The following PTPRD variants were observed in gnomAD, a reference collection of about 807,000 sequenced individuals.
The protein encoded by PTPRD is protein tyrosine phosphatase receptor type D.
Under a neutral mutation model 214.5 loss-of-function variants are expected in PTPRD, and 34 were observed. That is an observed-to-expected ratio of 0.16 (90% CI 0.12 to 0.21). PTPRD has a LOEUF of 0.21. Ranked by LOEUF, PTPRD falls within the 10% of genes least tolerant of loss-of-function variation. PTPRD has a pLI of 1.00. For synonymous variants in PTPRD, 1,128 were observed against 845.7 expected, an observed-to-expected ratio of 1.33 and a Z score of -5.79; for missense variants, 2,545 against 2,398.7, an observed-to-expected ratio of 1.06 and a Z score of -1.27.
intron 2 of PTPRD, among the ~76,000 whole-genome samples, chr9:10,542,190 G>C (rs2059259250): frequency 6.6e-6 from 1 of 151,940 alleles, no homozygotes; most frequent in Admixed American, 6.6e-5. Context: ...AATAAACACA[G>C]CTGCTTTGTA....
intron 9 of PTPRD, among the ~76,000 whole-genome samples, chr9:9,338,909 T>G (rs972914747): frequency 2.6e-5 from 4 of 152,140 alleles, no homozygotes; most frequent in Non-Finnish European, 5.9e-5. Context: ...GTTCTCATTA[T>G]TCAACTCCCA....
intron 8 of PTPRD, among the ~76,000 whole-genome samples, chr9:9,510,186 C>T (rs2096666673): frequency 6.6e-6 from 1 of 151,692 alleles, no homozygotes; most frequent in African/African-American, 2.4e-5. Context: ...AAGGTGGCCT[C>T]ATCAACACTT....
intron 12 of PTPRD, among the ~76,000 whole-genome samples, chr9:8,665,057 G>A (rs1424172555): frequency 6.6e-6 from 1 of 152,024 alleles, no homozygotes; most frequent in Admixed American, 6.6e-5. Flanking sequence ...TCAAACTACA[G>A]CAATAAAAGT....
intron 2 of PTPRD, among the ~76,000 whole-genome samples, chr9:10,497,083 T>C (rs1431840058): frequency 6.6e-6 from 1 of 151,816 alleles, no homozygotes; most frequent in Non-Finnish European, 1.5e-5. Flanking sequence ...TACTTATAAA[T>C]AGGAGCTAAA....
chr9:9,272,561 G>T (rs376745009), intron 9 of PTPRD, among the ~76,000 whole-genome samples: 3 of 151,170 alleles, frequency 2.0e-5, no homozygotes, highest in Admixed American at 6.6e-5. Flanking sequence ...GGCGAAGGGC[G>T]GTCATCTGAT....
intron 11 of PTPRD, among the ~76,000 whole-genome samples, chr9:8,918,512 T>A (rs991401351): frequency 9.9e-5 from 15 of 152,180 alleles, no homozygotes; most frequent in Non-Finnish European, 2.9e-5. Flanking sequence ...AATAACAGCC[T>A]CATCTGTAGA....
At position 8,466,944 on chromosome 9, in the gene PTPRD, T is replaced by C. The variant is rs111407906; in HGVS notation, c.3505-1269A>G. Among the ~76,000 whole-genome samples, 480 of 151,944 alleles carry C rather than the reference T, an allele frequency of 3.2e-3. 4 individuals carry two copies. The highest frequency in any genetic ancestry group is 0.011 in the African/African-American group (454 of 41,502). On this transcript the variant is annotated intron_variant, in intron 31 of 45. Transcript: ENST00000381196. The stretch of plus-strand genomic sequence containing the variant: ...TCTGTGATAAAATGGCTTCAGACTG[T>C]ATATATGATAAACACTGAATTCTTC...
intron 44 of PTPRD, among the ~76,000 whole-genome samples, chr9:8,323,543 T>A (rs1373538218): frequency 1.3e-5 from 2 of 152,144 alleles, no homozygotes; most frequent in East Asian, 1.9e-4. Flanking sequence ...TTGATTCCAA[T>A]CTTCATGGAT....
intron 8 of PTPRD, among the ~76,000 whole-genome samples, chr9:9,443,899 C>G (rs113365355): frequency 6.6e-6 from 1 of 152,168 alleles, no homozygotes; most frequent in African/African-American, 2.4e-5. Flanking sequence ...GAAAGCAAGA[C>G]TGAAACATGC....
intron 9 of PTPRD, among the ~76,000 whole-genome samples, chr9:9,274,480 G>C (rs1011825520): frequency 6.6e-6 from 1 of 151,154 alleles, no homozygotes; most frequent in Non-Finnish European, 1.5e-5. Flanking sequence ...AAAGACTTAA[G>C]GTATTATACT....
chr9:10,318,516 C>A (rs1202306736), intron 3 of PTPRD, among the ~76,000 whole-genome samples: 1 of 152,046 alleles, frequency 6.6e-6, no homozygotes, highest in Non-Finnish European at 1.5e-5. Flanking sequence ...GACCCGTATT[C>A]TGTGTATGTT....
chr9:10,105,402 T>A lies in PTPRD; in HGVS notation c.-544-71612A>T, dbSNP rs115675674. Among the ~76,000 whole-genome samples the A allele has an allele frequency of 4.6e-3, 704 of 152,044 alleles. 4 individuals are homozygous for A. Among genetic ancestry groups the A allele is most frequent in the African/African-American group, 0.016 (675 of 41,528 alleles). Reference sequence around the variant, plus strand: ...AGAATAGTTAGGTAGAAAAGCTACATTTAGAGAGGAATGTTATTTCTGCAG... The same window carrying A: ...AGAATAGTTAGGTAGAAAAGCTACAATTAGAGAGGAATGTTATTTCTGCAG... On this transcript the variant is annotated intron_variant, in intron 3 of 45. Transcript: ENST00000381196.
At chr9:8,855,922 CAAT>C (rs1448608994) in intron 11 of PTPRD, among the ~76,000 whole-genome samples, 8 of 152,036 alleles carry the variant, frequency 5.3e-5, no homozygotes, top group Non-Finnish European at 1.0e-4. Flanking sequence ...TTTGAAAGTA[CAAT>C]AATAGCTGAT....
At chr9:9,030,173 A>T (rs1484867246) in intron 10 of PTPRD, among the ~76,000 whole-genome samples, 3 of 151,218 alleles carry the variant, frequency 2.0e-5, no homozygotes, top group Non-Finnish European at 4.4e-5. Flanking sequence ...TAGCATCAAT[A>T]TACTACCTGT....
intron 7 of PTPRD, among the ~76,000 whole-genome samples, chr9:9,582,032 T>C (rs1035798586): frequency 1.3e-5 from 2 of 152,146 alleles, no homozygotes; most frequent in African/African-American, 4.8e-5. Context: ...AATTGCATTC[T>C]ATAATCTCTT....
At chr9:8,437,644 T>C (rs747140881) in intron 34 of PTPRD, among the ~76,000 whole-genome samples, 2 of 152,134 alleles carry the variant, frequency 1.3e-5, no homozygotes, top group Non-Finnish European at 2.9e-5. Context: ...CAGGTCCCCA[T>C]TATTCAACCC....
Position 9,845,373 on chromosome 9 carries a change from T to C in PTPRD, c.-367-78522A>G, listed in dbSNP as rs921433302. Reference sequence around the variant, plus strand: ...TTGTCCACAAAAGACTTTGGCAGTGTCCATAAGGCACACATTTGAAGGCAA... The same window carrying C: ...TTGTCCACAAAAGACTTTGGCAGTGCCCATAAGGCACACATTTGAAGGCAA... On this transcript the variant is annotated intron_variant, in intron 5 of 45. Transcript: ENST00000381196. Among the ~76,000 whole-genome samples, 4 of 151,576 alleles carry C rather than the reference T, an allele frequency of 2.6e-5. No homozygotes were observed. In the South Asian group the frequency reaches 6.3e-4, roughly 24 times the overall value.
chr9:8,984,175 G>A (rs1040241262), intron 11 of PTPRD, among the ~76,000 whole-genome samples: 1 of 151,942 alleles, frequency 6.6e-6, no homozygotes, highest in Non-Finnish European at 1.5e-5. Context: ...AATTTTTATT[G>A]AGTGAGATAT....
chr9:9,468,341 C>A (rs934678387), intron 8 of PTPRD, among the ~76,000 whole-genome samples: 5 of 152,066 alleles, frequency 3.3e-5, no homozygotes, highest in South Asian at 2.1e-4. Context: ...GAAATACATA[C>A]ATTTCAAAAA....
Sources: gnomAD v4.1 joint callset for allele counts (sites outside exome capture counted in the v4.1 genomes callset) on GRCh38, gnomAD v4.1.1 for gene constraint, MANE v1.5 for transcripts, NCBI Gene and HGNC (gene_info 2026-07-23, HGNC 2026-07-21) for gene names.